Variants in ARHGEF3 observed in about 807,000 individuals in gnomAD.
ARHGEF3 encodes the protein 59.8 kDA protein.
A neutral mutation model predicts 63.2 loss-of-function variants in ARHGEF3; 28 were observed. That is an observed-to-expected ratio of 0.44 (90% CI 0.33 to 0.61). The LOEUF is 0.61. ARHGEF3 is among the 20% of genes least tolerant of loss of function. The pLI, the probability that ARHGEF3 is intolerant of heterozygous loss-of-function variation, is 0.03. For missense variants in ARHGEF3, 533 were observed against 659.3 expected (o/e 0.81, Z 2.10); for synonymous variants, 266 against 254.2 (o/e 1.05, Z -0.44).
intron 1 of ARHGEF3, among the ~76,000 whole-genome samples, chr3:57,071,840 C>T (rs1705924032): frequency 1.3e-5 from 2 of 152,052 alleles, no homozygotes. Flanking sequence ...AAATAACCCA[C>T]AGAATGGGCA....
At chr3:57,018,278 C>CAAAAA (rs57400379) in intron 2 of ARHGEF3, among the ~76,000 whole-genome samples, 8 of 111,620 alleles carry the variant, frequency 7.2e-5, no homozygotes, top group African/African-American at 9.9e-5. Context: ...GGCTCTGTCA[C>CAAAAA]AAAAAAAAAA....
At chr3:56,922,394 T>C (rs2042166528) in intron 3 of ARHGEF3, among the ~76,000 whole-genome samples, 2 of 150,286 alleles carry the variant, frequency 1.3e-5, no homozygotes, top group Non-Finnish European at 3.0e-5. Context: ...AGCTGATATC[T>C]ATCAGCCAAA....
chr3:56,989,055 G>A (rs13098160), intron 2 of ARHGEF3, among the ~76,000 whole-genome samples: 16,731 of 152,242 alleles, frequency 0.11, 1,226 homozygotes, highest in Non-Finnish European at 0.16. Flanking sequence ...GAGAAAGACA[G>A]CACCGATTGT....
At chr3:56,860,005 A>G (rs2040015847) in intron 4 of ARHGEF3, among the ~76,000 whole-genome samples, 1 of 152,012 alleles carries the variant, frequency 6.6e-6, no homozygotes, top group South Asian at 2.1e-4. Flanking sequence ...TATTAAAAAT[A>G]CAAAAATTAG....
At chr3:57,011,535 A>G (rs1464106095) in intron 2 of ARHGEF3, among the ~76,000 whole-genome samples, 1 of 152,124 alleles carries the variant, frequency 6.6e-6, no homozygotes, top group Non-Finnish European at 1.5e-5. Flanking sequence ...GCTGCTGAAC[A>G]TCCTCCAATG....
At chr3:56,799,650 T>A (rs1208078117) in intron 1 of ARHGEF3, among the ~76,000 whole-genome samples, 2 of 152,216 alleles carry the variant, frequency 1.3e-5, no homozygotes, top group African/African-American at 4.8e-5. Flanking sequence ...TATATTTTAG[T>A]TAACTGCTTA....
chr3:56,778,609 G>C (rs1035199198), intron 1 of ARHGEF3, among the ~76,000 whole-genome samples: 2 of 152,050 alleles, frequency 1.3e-5, no homozygotes, highest in Non-Finnish European at 2.9e-5. Flanking sequence ...CACGACTCAC[G>C]GCAGCCTCAA....
chr3:57,002,080 T>C (rs936824335), intron 2 of ARHGEF3, among the ~76,000 whole-genome samples: 1 of 151,842 alleles, frequency 6.6e-6, no homozygotes, highest in Non-Finnish European at 1.5e-5. Flanking sequence ...CCCACCACCG[T>C]GCCTGGCTAA....
chr3:56,958,185 C>T (rs561660491), intron 3 of ARHGEF3, among the ~76,000 whole-genome samples: 80 of 152,202 alleles, frequency 5.3e-4, no homozygotes, highest in Non-Finnish European at 1.0e-3. Flanking sequence ...TGGTTCCCTC[C>T]AGGTTCCAAA....
intron 2 of ARHGEF3, among the ~76,000 whole-genome samples, chr3:56,988,669 GTTTTTGCA>G (rs1382685764): frequency 6.6e-6 from 1 of 152,258 alleles, no homozygotes; most frequent in Admixed American, 6.5e-5. Context: ...GAATGCTCTG[GTTTTTGCA>G]ACTGTCTCTT....
chr3:56,743,451 T>G (rs1357441158), intron 7 of ARHGEF3, among the ~76,000 whole-genome samples: 1 of 152,192 alleles, frequency 6.6e-6, no homozygotes, highest in Non-Finnish European at 1.5e-5. Flanking sequence ...GGTTTGAACA[T>G]CAACTGCATC....
intron 8 of ARHGEF3, among the ~76,000 whole-genome samples, chr3:56,733,536 G>A (rs769582011): frequency 2.0e-5 from 3 of 151,822 alleles, no homozygotes; most frequent in Non-Finnish European, 4.4e-5. Context: ...AAATGAGACT[G>A]GTATATCAAA....
Position 56,866,500 on chromosome 3 carries a change from T to C in ARHGEF3, c.192+15792A>G, listed in dbSNP as rs144780983. Reference sequence around the variant, plus strand: ...TGTCCAGCAGGGAGAACCTGGCACATTCCTACCTCCAACAATGCTGGGTCT... The same window carrying C: ...TGTCCAGCAGGGAGAACCTGGCACACTCCTACCTCCAACAATGCTGGGTCT... On this transcript the variant is annotated intron_variant, in intron 4 of 12. Transcript: ENST00000338458. Among the ~76,000 whole-genome samples, 742 of 152,286 alleles carry C rather than the reference T, an allele frequency of 4.9e-3. 2 individuals are homozygous for C. Among genetic ancestry groups the C allele is most frequent in the Non-Finnish European group, 6.7e-3 (456 of 68,012 alleles).
At chr3:57,014,906 C>T (rs969391156) in intron 2 of ARHGEF3, among the ~76,000 whole-genome samples, 15 of 152,176 alleles carry the variant, frequency 9.9e-5, no homozygotes, top group Admixed American at 6.5e-4. Flanking sequence ...AGGATGGTCT[C>T]GATCTCCTGA....
chr3:56,992,884 A>G (rs963671194), intron 2 of ARHGEF3, among the ~76,000 whole-genome samples: 3 of 152,120 alleles, frequency 2.0e-5, no homozygotes, highest in African/African-American at 7.2e-5. Context: ...CCTAGGCTGG[A>G]GTGCAGTGGC....
intron 2 of ARHGEF3, among the ~76,000 whole-genome samples, chr3:56,756,042 A>G (rs1435889460): frequency 2.6e-5 from 4 of 152,188 alleles, no homozygotes; most frequent in Non-Finnish European, 5.9e-5. Flanking sequence ...CACATACTAA[A>G]TACCATCTTT....
At chr3:56,813,072 G>T (rs1247240645) in intron 4 of ARHGEF3, among the ~76,000 whole-genome samples, 1 of 152,218 alleles carries the variant, frequency 6.6e-6, no homozygotes, top group African/African-American at 2.4e-5. Context: ...TACAAGGATT[G>T]CTCTGGTGCC....
intron 4 of ARHGEF3, among the ~76,000 whole-genome samples, chr3:56,868,631 G>A (rs1265209209): frequency 6.6e-6 from 1 of 152,124 alleles, no homozygotes; most frequent in Non-Finnish European, 1.5e-5. Context: ...CAAAAGTGCT[G>A]GGATTACAGG....
At chr3:56,987,502 G>GAGCT (rs1189411590) in intron 2 of ARHGEF3, among the ~76,000 whole-genome samples, 1 of 152,140 alleles carries the variant, frequency 6.6e-6, no homozygotes, top group Non-Finnish European at 1.5e-5. Flanking sequence ...AGGAGGGAAG[G>GAGCT]AGCTGCTGGA....
Sources: gnomAD v4.1 joint callset for allele counts (sites outside exome capture counted in the v4.1 genomes callset) on GRCh38, gnomAD v4.1.1 for gene constraint, MANE v1.5 for transcripts, NCBI Gene and HGNC (gene_info 2026-07-23, HGNC 2026-07-21) for gene names.